The following FRMD4A variants were observed in gnomAD, a reference collection of about 807,000 sequenced individuals.
FRMD4A encodes FERM domain containing 4A, also known as FERM domain-containing protein 4A.
FRMD4A carries 29 observed loss-of-function variants against 129.1 expected under a neutral mutation model. The observed-to-expected ratio is 0.22, with a 90% CI of 0.17 to 0.31. The LOEUF is 0.31. Ranked by LOEUF, FRMD4A falls within the 10% of genes least tolerant of loss-of-function variation. The pLI is 1.00. For missense variants in FRMD4A, 1,272 were observed against 1,375.8 expected (o/e 0.92, Z 1.19); for synonymous variants, 634 against 571.6 (o/e 1.11, Z -1.56).
At chr10:13,801,810 T>C (rs1207521732) in intron 4 of FRMD4A, among the ~76,000 whole-genome samples, 1 of 152,208 alleles carries the variant, frequency 6.6e-6, no homozygotes, top group Non-Finnish European at 1.5e-5. Flanking sequence ...TTTAACCTTT[T>C]ACAGTCCTGA....
chr10:13,922,007 C>T (rs1364387352), intron 2 of FRMD4A, among the ~76,000 whole-genome samples: 1 of 151,808 alleles, frequency 6.6e-6, no homozygotes, highest in Non-Finnish European at 1.5e-5. Flanking sequence ...GTGGAGCCTG[C>T]ATGTTGAGAC....
At chr10:14,217,256 G>C (rs1843104438) in intron 2 of FRMD4A, among the ~76,000 whole-genome samples, 1 of 152,180 alleles carries the variant, frequency 6.6e-6, no homozygotes, top group African/African-American at 2.4e-5. Context: ...CCACTGAAAT[G>C]GTTTGGCCAT....
At chr10:14,217,286 C>G (rs975720148) in intron 2 of FRMD4A, among the ~76,000 whole-genome samples, 1 of 152,206 alleles carries the variant, frequency 6.6e-6, no homozygotes, top group Admixed American at 6.5e-5. Flanking sequence ...CAAATCTCAT[C>G]TTGAATTGTA....
intron 9 of FRMD4A, among the ~76,000 whole-genome samples, chr10:13,746,271 C>T (rs980342835): frequency 3.9e-5 from 6 of 152,072 alleles, no homozygotes; most frequent in Admixed American, 3.3e-4. Flanking sequence ...AGTGCAGTGG[C>T]ACAATCTTTG....
At chr10:14,112,401 G>A (rs924302929) in intron 2 of FRMD4A, among the ~76,000 whole-genome samples, 1 of 152,214 alleles carries the variant, frequency 6.6e-6, no homozygotes, top group African/African-American at 2.4e-5. Flanking sequence ...CGGTCTCGAT[G>A]TGGTTGTGTC....
At position 14,170,533 on chromosome 10, in the gene FRMD4A, A is replaced by G. The variant is rs556721370; in HGVS notation, c.45+159525T>C. Among the ~76,000 whole-genome samples the G allele has an allele frequency of 2.6e-5, 4 of 152,330 alleles. No homozygotes were observed. In the South Asian group the frequency reaches 8.3e-4, roughly 32 times the overall value. ...GAAATAAGACAGGGTCAGACAGAGA[A>G]AAAGACACCAACGCTGGGAAGTTAG... On this transcript the variant is annotated intron_variant, in intron 2 of 24. Coordinates refer to ENST00000357447, the MANE Select transcript of FRMD4A (RefSeq NM_018027.5).
intron 2 of FRMD4A, among the ~76,000 whole-genome samples, chr10:13,970,222 C>A (rs956979208): frequency 3.9e-5 from 6 of 152,164 alleles, no homozygotes; most frequent in Non-Finnish European, 8.8e-5. Context: ...TAGAGTGAAG[C>A]TTTTAGGTAC....
At position 13,707,119 on chromosome 10, in the gene FRMD4A, C is replaced by T. The variant is rs370279899; in HGVS notation, c.760-6G>A. The T allele has an allele frequency of 9.9e-6, 15 of 1,511,036 alleles. No homozygotes were observed. In the African/African-American group the frequency reaches 1.9e-4, roughly 19 times the overall value. The allele number at this position is 1,511,036 out of a possible 1,614,324, so 93.6% of individuals were successfully genotyped here. On this transcript the variant is annotated splice_region_variant and splice_polypyrimidine_tract_variant and intron_variant, in intron 12 of 24. Transcript: ENST00000357447. ...AACTGTCTCCATTGGAATATCTGGA[C>T]AGAAAACAGTGTAGTTTAAAACTCA...
chr10:14,273,092 G>GCACACA (rs147736514), intron 2 of FRMD4A, among the ~76,000 whole-genome samples: 1 of 130,146 alleles, frequency 7.7e-6, no homozygotes, highest in African/African-American at 3.1e-5. Flanking sequence ...ACACACACAT[G>GCACACA]CACACACACA....
At chr10:14,234,077 A>G (rs975803858) in intron 2 of FRMD4A, among the ~76,000 whole-genome samples, 1 of 152,248 alleles carries the variant, frequency 6.6e-6, no homozygotes, top group Non-Finnish European at 1.5e-5. Flanking sequence ...GACTAAGCAC[A>G]GAACACACGA....
intron 5 of FRMD4A, among the ~76,000 whole-genome samples, chr10:13,785,027 T>C (rs2092821090): frequency 6.7e-6 from 1 of 148,844 alleles, no homozygotes; most frequent in African/African-American, 2.5e-5. Context: ...TTACCATACC[T>C]GAAGGATAAT....
At chr10:13,812,288 C>G (rs1253534005) in intron 3 of FRMD4A, among the ~76,000 whole-genome samples, 1 of 152,172 alleles carries the variant, frequency 6.6e-6, no homozygotes, top group African/African-American at 2.4e-5. Flanking sequence ...GAAATGGGAC[C>G]TTTGGGAGAC....
At chr10:13,987,337 T>C (rs928318126) in intron 2 of FRMD4A, among the ~76,000 whole-genome samples, 16 of 152,104 alleles carry the variant, frequency 1.1e-4, no homozygotes, top group African/African-American at 3.9e-4. Context: ...CACCCAACTT[T>C]TTCCCACCCC....
rs188968186 is a variant in FRMD4A, at chr10:13,966,792, C to A, written c.46-107880G>T. ...TTGCACACGCATGTTTATAGCAGCACAATTTGCAATTGCAAAAATGCGGAA... is the reference window on the plus strand; with the variant it reads ...TTGCACACGCATGTTTATAGCAGCAAAATTTGCAATTGCAAAAATGCGGAA... On this transcript the variant is annotated intron_variant, in intron 2 of 24. Coordinates refer to ENST00000357447, the MANE Select transcript of FRMD4A (RefSeq NM_018027.5). Among the ~76,000 whole-genome samples the A allele has an allele frequency of 1.8e-3, 270 of 152,318 alleles. 2 individuals are homozygous for A. Among genetic ancestry groups the A allele is most frequent in the Middle Eastern group, 0.01 (3 of 294 alleles).
At chr10:13,764,061 A>G (rs2092181868) in intron 6 of FRMD4A, among the ~76,000 whole-genome samples, 1 of 152,154 alleles carries the variant, frequency 6.6e-6, no homozygotes. Flanking sequence ...AGTATAACTA[A>G]AACACCTCAA....
intron 2 of FRMD4A, among the ~76,000 whole-genome samples, chr10:14,082,187 C>T (rs1051489099): frequency 3.9e-5 from 6 of 152,078 alleles, no homozygotes; most frequent in Non-Finnish European, 7.4e-5. Flanking sequence ...GCAGAGGTTG[C>T]AGTGAGCCGA....
At chr10:14,103,590 T>C (rs536962522) in intron 2 of FRMD4A, among the ~76,000 whole-genome samples, 2 of 152,364 alleles carry the variant, frequency 1.3e-5, no homozygotes, top group African/African-American at 2.4e-5. Context: ...CCACTATCAG[T>C]ACATCTAGTA....
intron 2 of FRMD4A, among the ~76,000 whole-genome samples, chr10:13,902,888 C>G (rs536510992): frequency 1.3e-5 from 2 of 151,432 alleles, no homozygotes; most frequent in Non-Finnish European, 2.9e-5. Flanking sequence ...TTGAGTGTTA[C>G]CCCCACTCCC....
chr10:14,154,195 C>A (rs1054058467), intron 2 of FRMD4A, among the ~76,000 whole-genome samples: 1 of 152,132 alleles, frequency 6.6e-6, no homozygotes, highest in South Asian at 2.1e-4. Flanking sequence ...AAACCCGCAT[C>A]GGCTTTGAGG....
Sources: allele counts gnomAD v4.1 joint callset (sites outside exome capture counted in the v4.1 genomes callset), GRCh38; gene constraint gnomAD v4.1.1; transcripts MANE v1.5; gene names NCBI Gene and HGNC (gene_info 2026-07-23, HGNC 2026-07-21).